TENM1: variants seen among roughly 807,000 people sequenced by gnomAD.
The protein encoded by TENM1 is teneurin-1.
In TENM1, 35 loss-of-function variants were observed where a neutral mutation model predicts 174.8. The observed-to-expected ratio is 0.20, with a 90% CI of 0.15 to 0.27. The LOEUF is 0.27. Among genes scored for constraint, TENM1 ranks in the 10% least tolerant of loss-of-function variants. The pLI, the probability that TENM1 is intolerant of heterozygous loss-of-function variation, is 1.00. For missense variants in TENM1, 1,633 were observed against 2,130.1 expected, an observed-to-expected ratio of 0.77 and a Z score of 4.59; for synonymous variants, 781 against 798.7, an observed-to-expected ratio of 0.98 and a Z score of 0.37.
chrX:124,881,972 G>A (rs1054054947), intron 3 of TENM1, among the ~76,000 whole-genome samples: 4 of 111,754 alleles, frequency 3.6e-5, no homozygotes, highest in Admixed American at 9.4e-5. Context: ...CAGGTGACCC[G>A]CCCACTTCGG....
At chrX:124,952,335 G>GGT (rs34542293) in intron 1 of TENM1, among the ~76,000 whole-genome samples, 2,444 of 98,748 alleles carry the variant, frequency 0.025, 27 homozygotes, top group East Asian at 0.048. Flanking sequence ...TTATGTATGG[G>GGT]GTGTGTGTGT....
the TENM1 span, among the ~76,000 whole-genome samples, chrX:124,993,546 C>T: frequency 9.1e-6 from 1 of 110,210 alleles, no homozygotes; most frequent in South Asian, 3.9e-4. Flanking sequence ...TGCTTCTACC[C>T]TACCCCCGCA....
At chrX:124,533,037 G>GA (rs2048140390) in intron 15 of TENM1, among the ~76,000 whole-genome samples, 2 of 111,893 alleles carry the variant, frequency 1.8e-5, no homozygotes, top group African/African-American at 6.5e-5. Flanking sequence ...AGAAATTTAG[G>GA]AAAAATCTAC....
chrX:124,767,527 T>A lies in TENM1; in HGVS notation c.536-30330A>T, dbSNP rs1488149183. Among the ~76,000 whole-genome samples, 15 of 112,118 alleles carry A rather than the reference T, an allele frequency of 1.3e-4. No homozygotes were observed. In the East Asian group the frequency reaches 4.2e-3, roughly 31 times the overall value. ...CATAATGCAATTTTACATGTGGTCA[T>A]AAGAATTTTTAGATAGATCTATCAA... On this transcript the variant is annotated intron_variant, in intron 3 of 31. Coordinates refer to ENST00000422452, the Ensembl canonical transcript of TENM1.
intron 3 of TENM1, among the ~76,000 whole-genome samples, chrX:124,868,402 G>A (rs2057046914): frequency 9.0e-6 from 1 of 111,589 alleles, no homozygotes; most frequent in Non-Finnish European, 1.9e-5. Flanking sequence ...TCAATAAATG[G>A]TGCTGGGAAA....
At chrX:124,513,243 G>A (rs184744764) in intron 18 of TENM1, among the ~76,000 whole-genome samples, 18 of 111,189 alleles carry the variant, frequency 1.6e-4, no homozygotes, top group Admixed American at 4.8e-4. Context: ...GTGCTTGCAC[G>A]CCTTAGTTTG....
At chrX:125,166,048 G>A in the TENM1 span, among the ~76,000 whole-genome samples, 1 of 111,136 alleles carries the variant, frequency 9.0e-6, no homozygotes, top group Non-Finnish European at 1.9e-5. Flanking sequence ...ACTCGTTAGG[G>A]AGTAGACACT....
At chrX:124,751,954 G>A (rs767835175) in intron 3 of TENM1, among the ~76,000 whole-genome samples, 4 of 110,534 alleles carry the variant, frequency 3.6e-5, no homozygotes, top group African/African-American at 6.6e-5. Flanking sequence ...ATAAACATAC[G>A]TGTGCATGTG....
chrX:124,447,230 T>G (rs1249367283), intron 23 of TENM1, among the ~76,000 whole-genome samples: 3 of 111,741 alleles, frequency 2.7e-5, no homozygotes, highest in Non-Finnish European at 5.6e-5. Context: ...GAAACATCGG[T>G]TGCCAATCTG....
At chrX:125,046,498 A>G in the TENM1 span, among the ~76,000 whole-genome samples, 3 of 112,263 alleles carry the variant, frequency 2.7e-5, no homozygotes, top group Non-Finnish European at 5.6e-5. Context: ...TCAGGTGGCT[A>G]AAGCCAAGCA....
At chrX:124,560,525 C>A (rs1165445003) in intron 14 of TENM1, among the ~76,000 whole-genome samples, 1 of 111,245 alleles carries the variant, frequency 9.0e-6, no homozygotes, top group East Asian at 2.8e-4. Context: ...GAGCTAGTAT[C>A]TGAATCCAGA....
At chrX:124,946,964 T>C (rs2058412374) in intron 1 of TENM1, among the ~76,000 whole-genome samples, 1 of 107,754 alleles carries the variant, frequency 9.3e-6, no homozygotes, top group South Asian at 4.0e-4. Context: ...TCACTCTGAG[T>C]AGACTTAGTT....
At chrX:125,058,799 G>A in the TENM1 span, among the ~76,000 whole-genome samples, 9 of 110,871 alleles carry the variant, frequency 8.1e-5, no homozygotes, top group Non-Finnish European at 1.3e-4. Flanking sequence ...TGGGGTGAGA[G>A]TGACTTTCCA....
chrX:124,999,189 T>G, the TENM1 span, among the ~76,000 whole-genome samples: 1 of 111,261 alleles, frequency 9.0e-6, no homozygotes, highest in Non-Finnish European at 1.9e-5. Flanking sequence ...TAATTCTGGT[T>G]CTAGTATGTG....
the TENM1 span, among the ~76,000 whole-genome samples, chrX:125,047,014 T>C: frequency 9.0e-6 from 1 of 110,694 alleles, no homozygotes; most frequent in African/African-American, 3.3e-5. Context: ...AAAGCAGTGA[T>C]AGATTTTAAT....
At chrX:125,035,019 T>C in the TENM1 span, among the ~76,000 whole-genome samples, 1 of 112,111 alleles carries the variant, frequency 8.9e-6, no homozygotes, top group Admixed American at 9.5e-5. Context: ...TTCACTATAG[T>C]GACAAGCACA....
At chrX:124,693,033 AAAAG>A (rs1001854784) in intron 5 of TENM1, among the ~76,000 whole-genome samples, 2 of 108,127 alleles carry the variant, frequency 1.8e-5, no homozygotes, top group African/African-American at 3.4e-5. Context: ...AAGAAAAAAA[AAAAG>A]AAAGAAAGAA....
Position 124,561,280 on chromosome X carries a change from C to T in TENM1, c.2434+391G>A, listed in dbSNP as rs754015612. ...ATGGTGTAGTAGTTGAGAAAATATGCTCTGAAGTCACATAGCCCTAAATTG... is the reference window on the plus strand; with the variant it reads ...ATGGTGTAGTAGTTGAGAAAATATGTTCTGAAGTCACATAGCCCTAAATTG... On this transcript the variant is annotated intron_variant, in intron 14 of 31. Coordinates refer to ENST00000422452, the Ensembl canonical transcript of TENM1. Among the ~76,000 whole-genome samples the T allele has an allele frequency of 3.1e-4, 34 of 111,168 alleles. 1 individual carries two copies. The highest frequency in any genetic ancestry group is 1.0e-3 in the African/African-American group (31 of 30,613).
intron 6 of TENM1, among the ~76,000 whole-genome samples, chrX:124,668,365 T>A (rs950619934): frequency 9.0e-6 from 1 of 111,628 alleles, no homozygotes; most frequent in Admixed American, 9.5e-5. Context: ...ACCCAAAGGA[T>A]TATAAATCAT....
Sources: allele counts gnomAD v4.1 joint callset (sites outside exome capture counted in the v4.1 genomes callset), GRCh38; gene constraint gnomAD v4.1.1; transcripts MANE v1.5; gene names NCBI Gene and HGNC (gene_info 2026-07-23, HGNC 2026-07-21).